Variants in ZMIZ1 observed in about 807,000 individuals in gnomAD.
ZMIZ1 encodes zinc finger MIZ domain-containing protein 1.
In ZMIZ1, 17 loss-of-function variants were observed where a neutral mutation model predicts 113.9. The observed-to-expected ratio is 0.15, with a 90% CI of 0.10 to 0.22. ZMIZ1 has a LOEUF of 0.22. Ranked by LOEUF, ZMIZ1 falls within the 10% of genes least tolerant of loss-of-function variation. The pLI, the probability that ZMIZ1 is intolerant of heterozygous loss-of-function variation, is 1.00. For synonymous variants in ZMIZ1, 607 were observed against 603.1 expected (o/e 1.01, Z -0.09); for missense variants, 1,059 against 1,477.8 (o/e 0.72, Z 4.65).
Position 79,296,348 on chromosome 10 carries a change from G to C in ZMIZ1, c.1231-123G>C, listed in dbSNP as rs926326673. On this transcript the variant is annotated intron_variant, in intron 12 of 24. Transcript: ENST00000334512. The surrounding 1 kb of genome is among the most constrained non-coding windows in gnomAD (Gnocchi z 4.1). Reference sequence around the variant, plus strand: ...GGGGCCCAAAGCATTATCTGGTTTTGTGGGTGGGAAACAGCAGGAGCAAAT... The same window carrying C: ...GGGGCCCAAAGCATTATCTGGTTTTCTGGGTGGGAAACAGCAGGAGCAAAT... 26 of 1,100,690 alleles carry C rather than the reference G, an allele frequency of 2.4e-5. No homozygotes were observed. Among genetic ancestry groups the C allele is most frequent in the Non-Finnish European group, 3.4e-5 (25 of 736,472 alleles). 68.2% of individuals were successfully genotyped at this position (1,100,690 alleles called of 1,614,324 possible).
chr10:79,162,784 C>G (rs1230325235), intron 4 of ZMIZ1, among the ~76,000 whole-genome samples: 1 of 152,188 alleles, frequency 6.6e-6, no homozygotes, highest in Non-Finnish European at 1.5e-5. Context: ...TTTCTCCCCA[C>G]ACACCTCAGT....
intron 19 of ZMIZ1, among the ~76,000 whole-genome samples, chr10:79,304,390 C>T (rs1386881866): frequency 5.3e-5 from 8 of 152,246 alleles, no homozygotes; most frequent in Admixed American, 5.2e-4. Flanking sequence ...GAAATGGGTT[C>T]GGACAGCCCC....
chr10:79,079,062 T>G (rs1842574226), intron 1 of ZMIZ1, among the ~76,000 whole-genome samples: 1 of 152,254 alleles, frequency 6.6e-6, no homozygotes, highest in South Asian at 2.1e-4. Flanking sequence ...GCCTGCTTTC[T>G]TGGCCTTTCC....
chr10:79,305,902 C>T (rs992120749), intron 21 of ZMIZ1, among the ~76,000 whole-genome samples, 198 bp from the exon 22 acceptor site: 1 of 152,236 alleles, frequency 6.6e-6, no homozygotes, highest in Non-Finnish European at 1.5e-5. Context: ...CAGCCACTTG[C>T]TTTTCTAGCC....
At chr10:79,239,295 T>C (rs932315202) in intron 7 of ZMIZ1, among the ~76,000 whole-genome samples, 3 of 152,072 alleles carry the variant, frequency 2.0e-5, no homozygotes, top group Non-Finnish European at 2.9e-5. Flanking sequence ...GTCCCCGGTA[T>C]GTGTGCATCC....
chr10:79,189,594 G>C (rs1847512393), intron 4 of ZMIZ1, among the ~76,000 whole-genome samples: 1 of 152,198 alleles, frequency 6.6e-6, no homozygotes, highest in Non-Finnish European at 1.5e-5. Flanking sequence ...GCAAGTGTCA[G>C]AGCCAGGATG....
At chr10:79,264,155 A>C (rs1054272393) in intron 7 of ZMIZ1, among the ~76,000 whole-genome samples, 3 of 152,206 alleles carry the variant, frequency 2.0e-5, no homozygotes, top group Non-Finnish European at 4.4e-5. Flanking sequence ...GGTGTGGCTC[A>C]GTTCTCACCT....
At chr10:79,174,462 G>A (rs1352135207) in intron 4 of ZMIZ1, among the ~76,000 whole-genome samples, 3 of 152,294 alleles carry the variant, frequency 2.0e-5, no homozygotes, top group Non-Finnish European at 2.9e-5. Flanking sequence ...GTGGGGAGCC[G>A]GTGAGGGTTT....
chr10:79,237,330 A>G (rs1473034330), intron 7 of ZMIZ1, among the ~76,000 whole-genome samples: 1 of 152,246 alleles, frequency 6.6e-6, no homozygotes, highest in Admixed American at 6.5e-5. Flanking sequence ...AAGGGTCTTA[A>G]GCAGAAGAAT....
rs780657473 is a variant in ZMIZ1, at chr10:79,289,850, C to T, written c.501C>T (p.Val167=). The T allele has an allele frequency of 1.2e-6, 2 of 1,614,092 alleles. No homozygotes were observed. Among genetic ancestry groups the T allele is most frequent in the South Asian group, 1.1e-5 (1 of 91,082 alleles). The change falls in exon 9 of 25, where the codon GTC becomes GTT. Residue 167 remains valine (V), a synonymous_variant. Coordinates refer to ENST00000334512, the MANE Select transcript of ZMIZ1 (RefSeq NM_020338.4). ...TNQPPGSLSV[V]TTVWGVTNTS... ...AGCCTCCCGGCTCCCTTTCCGTGGTCACCACGGTTTGGGGAGTAACCAACA... is the reference window on the plus strand; with the variant it reads ...AGCCTCCCGGCTCCCTTTCCGTGGTTACCACGGTTTGGGGAGTAACCAACA...
intron 7 of ZMIZ1, among the ~76,000 whole-genome samples, chr10:79,246,213 C>CT (rs1436740121): frequency 6.6e-6 from 1 of 152,254 alleles, no homozygotes; most frequent in Non-Finnish European, 1.5e-5. Context: ...GGCCAGCACT[C>CT]TGTCATCCAG....
At chr10:79,243,815 A>T in intron 7 of ZMIZ1, 1 of 179,248 alleles carries the variant, frequency 5.6e-6, no homozygotes, top group South Asian at 6.7e-5. Context: ...CGCGGGGGTG[A>T]GTGTGCGTGC....
At chr10:79,205,428 C>T (rs533552530) in intron 5 of ZMIZ1, among the ~76,000 whole-genome samples, 1 of 152,320 alleles carries the variant, frequency 6.6e-6, no homozygotes, top group East Asian at 1.9e-4. Flanking sequence ...TGGGGTTCAG[C>T]CTTGTGCCAG....
At chr10:79,082,748 C>G (rs1247003398) in intron 1 of ZMIZ1, among the ~76,000 whole-genome samples, 1 of 152,226 alleles carries the variant, frequency 6.6e-6, no homozygotes, top group Non-Finnish European at 1.5e-5. Flanking sequence ...GTAGCAACTG[C>G]TACTTTTCCC....
intron 7 of ZMIZ1, among the ~76,000 whole-genome samples, chr10:79,230,477 C>T (rs1166910884): frequency 6.6e-6 from 1 of 152,240 alleles, no homozygotes; most frequent in Non-Finnish European, 1.5e-5. Flanking sequence ...TTCCTCCAGG[C>T]TCCGTGTGGT....
chr10:79,307,721 T>C, intron 23 of ZMIZ1, 150 bp downstream of exon 23: 1 of 900,420 alleles, frequency 1.1e-6, no homozygotes, highest in Non-Finnish European at 1.6e-6. Context: ...TAACTGAGGC[T>C]ACGTCGTGCC....
At position 79,314,689 on chromosome 10, in the gene ZMIZ1, T is replaced by TAA. The variant is rs145247762; in HGVS notation, c.*1942_*1943dup. ...ACAAAGACCGAGTCTTCTTTTTTTT[T>TAA]AAACAAAAACAAAAAAAGCAACCAG... On this transcript the variant is annotated 3_prime_UTR_variant, in exon 25 of 25. Transcript: ENST00000334512. 5.9e-6 allele frequency: 1 copy of TAA among 168,814 alleles called. No homozygotes were observed. Among genetic ancestry groups the TAA allele is most frequent in the African/African-American group, 2.4e-5 (1 of 41,400 alleles). 10.5% of individuals were successfully genotyped at this position (168,814 alleles called of 1,614,324 possible). A position where few individuals can be genotyped will look rare whatever the true frequency, so the allele number is the denominator to read the frequency against.
intron 8 of ZMIZ1, among the ~76,000 whole-genome samples, chr10:79,288,566 A>C (rs1240365526): frequency 6.6e-6 from 1 of 152,192 alleles, no homozygotes; most frequent in African/African-American, 2.4e-5. Flanking sequence ...CCCTGGGTAG[A>C]GGCAGTGGCA....
At chr10:79,111,820 G>C (rs1368361972) in intron 1 of ZMIZ1, among the ~76,000 whole-genome samples, 1 of 152,236 alleles carries the variant, frequency 6.6e-6, no homozygotes, top group Non-Finnish European at 1.5e-5. Context: ...GTGTGATGTA[G>C]GTTAGCCATT....
Sources: gnomAD v4.1 joint callset for allele counts (sites outside exome capture counted in the v4.1 genomes callset) on GRCh38, gnomAD v4.1.1 for gene constraint, Gnocchi (gnomAD v3.1) non-coding constraint, MANE v1.5 for transcripts, NCBI Gene and HGNC (gene_info 2026-07-23, HGNC 2026-07-21) for gene names.